Variants in KIAA1671 observed in about 807,000 individuals in gnomAD.
KIAA1671 encodes the protein uncharacterized protein KIAA1671.
In KIAA1671, 52 loss-of-function variants were observed where a neutral mutation model predicts 131.2. The observed-to-expected ratio is 0.40, with a 90% CI of 0.32 to 0.50. The LOEUF (loss-of-function observed/expected upper bound fraction) is 0.50, where lower values mean the gene tolerates loss of function less well. Among genes scored for constraint, KIAA1671 ranks in the 20% least tolerant of loss-of-function variants. The pLI is 0.73. For missense variants in KIAA1671, 2,360 were observed against 2,364.2 expected (o/e 1.00, Z 0.04); for synonymous variants, 1,003 against 961.6 (o/e 1.04, Z -0.80).
Position 25,028,100 on chromosome 22 carries a change from T to C in KIAA1671, c.101T>C (p.Leu34Pro). The change falls in exon 3 of 13, where the codon CTC becomes CCC. Residue 34 changes from leucine to proline, a missense_variant. Around this residue, in one of 3 missense-constraint regions of KIAA1671, gnomAD observed 1,185 missense variants for 1,126.2 expected, o/e 1.05. Transcript: ENST00000358431. ...GAGACCCTGACGAGGACCTACTTCC[T>C]CCAGGCCGGCGAAGCCTCTGGGGCT... ...KEETLTRTYF[L>P]QAGEASGAPP... 3.2e-6 allele frequency: 5 copies of C among 1,551,258 alleles called. No homozygotes were observed. The highest frequency in any genetic ancestry group is 4.4e-6 in the Non-Finnish European group (5 of 1,146,796).
chr22:25,077,128 T>G (rs746604352), intron 6 of KIAA1671, among the ~76,000 whole-genome samples: 6 of 152,156 alleles, frequency 3.9e-5, no homozygotes, highest in Admixed American at 1.3e-4. Flanking sequence ...ATATCAAGCT[T>G]TGCAACGAGG....
At chr22:25,016,828 A>AT (rs1443871613) in intron 1 of KIAA1671, among the ~76,000 whole-genome samples, 3 of 152,094 alleles carry the variant, frequency 2.0e-5, no homozygotes, top group African/African-American at 7.2e-5. Context: ...GGGTTCTTAG[A>AT]TTCACCCAGG....
At chr22:25,128,020 G>A (rs965784872) in intron 6 of KIAA1671, among the ~76,000 whole-genome samples, 1 of 152,218 alleles carries the variant, frequency 6.6e-6, no homozygotes, top group African/African-American at 2.4e-5. Flanking sequence ...CTGACATCTA[G>A]GACCTTGGCC....
At chr22:25,050,235 G>T (rs886121249) in intron 6 of KIAA1671, 4 of 152,252 alleles carry the variant, frequency 2.6e-5, no homozygotes, top group Admixed American at 2.6e-4. Flanking sequence ...AGGCCCCAGG[G>T]ACAGCTGTCC....
rs963773944 is a variant in KIAA1671, at chr22:25,195,900, G to A, written c.*3499G>A. ...CCTCACCGTGTGTTAAAACACAAAA[G>A]CCGAAGTTCCATGGCATCATGATTC... is the stretch of plus-strand genomic sequence containing the variant. On this transcript the variant is annotated 3_prime_UTR_variant, in exon 13 of 13. Transcript: ENST00000358431. 9.2e-5 allele frequency: 14 copies of A among 152,060 alleles called. No homozygotes were observed. Among genetic ancestry groups the A allele is most frequent in the African/African-American group, 3.4e-4 (14 of 41,394 alleles). 9.4% of individuals were successfully genotyped at this position (152,060 alleles called of 1,614,324 possible). A position where few individuals can be genotyped will look rare whatever the true frequency, so the allele number is the denominator to read the frequency against.
intron 6 of KIAA1671, among the ~76,000 whole-genome samples, chr22:25,114,281 T>C (rs1931544032): frequency 6.6e-6 from 1 of 152,190 alleles, no homozygotes; most frequent in Non-Finnish European, 1.5e-5. Context: ...CCCTGACCCA[T>C]TCTTAAGCCT....
chr22:25,108,899 A>G (rs979504347), intron 6 of KIAA1671, among the ~76,000 whole-genome samples: 1 of 152,222 alleles, frequency 6.6e-6, no homozygotes, highest in East Asian at 1.9e-4. Context: ...CTAGAGATGG[A>G]GCATCTGCTT....
Position 24,967,849 on chromosome 22 carries a change from C to T in KIAA1671, c.-208+15077C>T, listed in dbSNP as rs138232422. ...CTACTAAAAAATACAAAAATTTAGC[C>T]GGGCGTGGTGGCGGGTGCCTGTAGT... On this transcript the variant is annotated intron_variant, in intron 1 of 12. Transcript: ENST00000358431. Among the ~76,000 whole-genome samples the T allele has an allele frequency of 4.0e-3, 602 of 152,170 alleles. 19 individuals are homozygous for T. In the East Asian group the frequency reaches 0.076, roughly 19 times the overall value.
At chr22:24,968,783 C>T (rs58787535) in intron 1 of KIAA1671, among the ~76,000 whole-genome samples, 4,778 of 152,244 alleles carry the variant, frequency 0.031, 245 homozygotes, top group African/African-American at 0.11. Context: ...CCACACCATG[C>T]ATGTGTTGGG....
chr22:25,102,856 A>T (rs1367588593), intron 6 of KIAA1671: 2 of 152,616 alleles, frequency 1.3e-5, no homozygotes, highest in Admixed American at 6.5e-5. Context: ...GACTCAGGCG[A>T]TGCAGGCCTT....
intron 6 of KIAA1671, among the ~76,000 whole-genome samples, chr22:25,109,602 C>T (rs2145910415): frequency 6.6e-6 from 1 of 152,326 alleles, no homozygotes; most frequent in South Asian, 2.1e-4. Context: ...GATTTCACCT[C>T]TGTGGATCTC....
intron 4 of KIAA1671, among the ~76,000 whole-genome samples, chr22:25,033,045 T>A (rs111276979): frequency 0.017 from 2,599 of 152,178 alleles, 28 homozygotes; most frequent in Middle Eastern, 0.044. Flanking sequence ...TCCTTCATAG[T>A]GGTTCTTATT....
chr22:25,069,252 G>C (rs1031460595), intron 6 of KIAA1671, among the ~76,000 whole-genome samples: 1 of 152,172 alleles, frequency 6.6e-6, no homozygotes, highest in South Asian at 2.1e-4. Flanking sequence ...AATCCTCAAA[G>C]CCCTGAACAC....
At chr22:24,956,053 A>G (rs1921680062) in intron 1 of KIAA1671, among the ~76,000 whole-genome samples, 1 of 151,936 alleles carries the variant, frequency 6.6e-6, no homozygotes, top group African/African-American at 2.4e-5. Context: ...GAAAAGAAAA[A>G]AGAAAAATCC....
chr22:25,125,873 A>G (rs1932157509), intron 6 of KIAA1671, among the ~76,000 whole-genome samples: 1 of 152,360 alleles, frequency 6.6e-6, no homozygotes, highest in Non-Finnish European at 1.5e-5. Context: ...AAGTATTAGT[A>G]GTAGGCCTTT....
intron 1 of KIAA1671, among the ~76,000 whole-genome samples, chr22:25,017,613 T>C (rs2123885612): frequency 6.6e-6 from 1 of 152,312 alleles, no homozygotes; most frequent in African/African-American, 2.4e-5. Flanking sequence ...GAACTTGAAA[T>C]GGTTGAAATA....
At chr22:25,179,576 CT>C in intron 9 of KIAA1671, 1 of 1,472,110 alleles carries the variant, frequency 6.8e-7, no homozygotes, top group South Asian at 1.2e-5. Context: ...AACGGAGCCG[CT>C]TCCCCTGCCC....
rs1926823396 is a variant in KIAA1671, at chr22:25,039,976, G to A, written c.2846G>A (p.Arg949Gln). Residue 949 changes from arginine to glutamine, a missense_variant, in exon 5 of 13, where the codon CGG becomes CAG. By Grantham distance (43) the Arg-to-Gln change is conservative. Transcript: ENST00000358431. ...AMDQRMDRWR[R>Q]RTLPPNVKFD... ...GACCAGAGAATGGACAGATGGCGGC[G>A]GCGGACTTTACCCCCCAACGTGAAA... The A allele has an allele frequency of 1.3e-6, 2 of 1,551,258 alleles. No homozygotes were observed. Among genetic ancestry groups the A allele is most frequent in the South Asian group, 1.2e-5 (1 of 84,034 alleles).
At chr22:25,168,031 C>G (rs1933703718) in intron 6 of KIAA1671, among the ~76,000 whole-genome samples, 1 of 152,128 alleles carries the variant, frequency 6.6e-6, no homozygotes, top group Admixed American at 6.5e-5. Context: ...GGCTTTTCCC[C>G]AGGTGCCCAC....
Sources: allele counts gnomAD v4.1 joint callset (sites outside exome capture counted in the v4.1 genomes callset), GRCh38; gene constraint gnomAD v4.1.1; regional missense constraint gnomAD v4.1.1; transcripts MANE v1.5; gene names NCBI Gene and HGNC (gene_info 2026-07-23, HGNC 2026-07-21).